PLS1: variants seen among roughly 807,000 people sequenced by gnomAD.
The protein encoded by PLS1 is plastin 1, also known as plastin-1.
Under a neutral mutation model 73.7 loss-of-function variants are expected in PLS1, and 32 were observed. The observed-to-expected ratio is 0.43, with a 90% CI of 0.33 to 0.58. The LOEUF (loss-of-function observed/expected upper bound fraction) is 0.58. PLS1 is among the 20% of genes least tolerant of loss of function. PLS1 has a pLI of 0.04. For missense variants in PLS1, 633 were observed against 740.5 expected (o/e 0.85, Z 1.68); for synonymous variants, 217 against 261.3 (o/e 0.83, Z 1.63).
intron 9 of PLS1, among the ~76,000 whole-genome samples, chr3:142,687,646 G>A (rs543699207): frequency 6.6e-6 from 1 of 152,166 alleles, no homozygotes; most frequent in South Asian, 2.1e-4. Flanking sequence ...TTCAACATCT[G>A]CCAATTCATG....
intron 1 of PLS1, among the ~76,000 whole-genome samples, chr3:142,661,875 G>T (rs1252995356): frequency 6.6e-6 from 1 of 152,148 alleles, no homozygotes; most frequent in Non-Finnish European, 1.5e-5. Flanking sequence ...TGGCTACTCT[G>T]TCTATGGAGT....
chr3:142,649,637 C>CAA (rs60404781), intron 1 of PLS1, among the ~76,000 whole-genome samples: 1 of 119,602 alleles, frequency 8.4e-6, no homozygotes, highest in Admixed American at 8.7e-5. Flanking sequence ...GACTCTGTCT[C>CAA]AAAAAAAAAA....
chr3:142,640,086 A>G (rs1474690731), intron 1 of PLS1, among the ~76,000 whole-genome samples: 1 of 152,228 alleles, frequency 6.6e-6, no homozygotes, highest in Admixed American at 6.5e-5. Context: ...GTGTGATTAC[A>G]TACATGGCAT....
chr3:142,640,418 A>T (rs539087200), intron 1 of PLS1, among the ~76,000 whole-genome samples: 1 of 152,300 alleles, frequency 6.6e-6, no homozygotes, highest in South Asian at 2.1e-4. Context: ...GTAGTCCTTG[A>T]TGAAGGCAGG....
At chr3:142,683,060 T>G (rs1244226544) in intron 6 of PLS1, among the ~76,000 whole-genome samples, 1 of 152,222 alleles carries the variant, frequency 6.6e-6, no homozygotes, top group African/African-American at 2.4e-5. Context: ...TGGAGCTCAA[T>G]AAATCACTTC....
chr3:142,691,138 T>A (rs2038077022), intron 10 of PLS1, among the ~76,000 whole-genome samples: 1 of 152,148 alleles, frequency 6.6e-6, no homozygotes, highest in Admixed American at 6.6e-5. Context: ...AAAGTTCCAG[T>A]GTCCTTGTCA....
chr3:142,690,784 C>G (rs1404576152), intron 10 of PLS1, among the ~76,000 whole-genome samples: 2 of 152,114 alleles, frequency 1.3e-5, no homozygotes. Context: ...TTCTCAATAC[C>G]CAGTTCTTAC....
At chr3:142,676,849 A>T (rs925584869) in intron 5 of PLS1, among the ~76,000 whole-genome samples, 1 of 152,236 alleles carries the variant, frequency 6.6e-6, no homozygotes, top group Non-Finnish European at 1.5e-5. Context: ...TATAAAAAGT[A>T]CAAAAGATTT....
At chr3:142,688,422 T>A (rs1439621143) in intron 9 of PLS1, among the ~76,000 whole-genome samples, 1 of 152,206 alleles carries the variant, frequency 6.6e-6, no homozygotes, top group Non-Finnish European at 1.5e-5. Flanking sequence ...TACCCATTTT[T>A]AAATTTATTT....
intron 1 of PLS1, among the ~76,000 whole-genome samples, chr3:142,633,736 A>T (rs80282952): frequency 6.6e-6 from 1 of 152,188 alleles, no homozygotes; most frequent in Non-Finnish European, 1.5e-5. Context: ...TTACCACAAT[A>T]AAAAAAGTTA....
rs145995826 is a variant in PLS1, at chr3:142,681,249, G to A, written c.580-2757G>A. On this transcript the variant is annotated intron_variant, in intron 6 of 15. Coordinates refer to ENST00000457734, the MANE Select transcript of PLS1 (RefSeq NM_001145319.2). ...AAGCAATAAATGTATACGATAGTAA[G>A]AAATGCTGTATTTCAGATTGAGTGA... Among the ~76,000 whole-genome samples the A allele has an allele frequency of 3.0e-3, 452 of 152,070 alleles. 1 individual carries two copies. Among genetic ancestry groups the A allele is most frequent in the African/African-American group, 0.01 (434 of 41,494 alleles).
At chr3:142,659,059 G>T (rs376470931) in intron 1 of PLS1, among the ~76,000 whole-genome samples, 73 of 152,284 alleles carry the variant, frequency 4.8e-4, no homozygotes, top group African/African-American at 1.6e-3. Flanking sequence ...ACCATCAGTA[G>T]AGCAGATAAA....
intron 1 of PLS1, among the ~76,000 whole-genome samples, chr3:142,652,447 G>A (rs1255130835): frequency 1.3e-5 from 2 of 152,048 alleles, no homozygotes; most frequent in Non-Finnish European, 1.5e-5. Flanking sequence ...TACTAACCTT[G>A]GCTCTACCAA....
At chr3:142,674,933 G>A (rs2037688703) in intron 4 of PLS1, among the ~76,000 whole-genome samples, 1 of 152,112 alleles carries the variant, frequency 6.6e-6, no homozygotes, top group Admixed American at 6.5e-5. Flanking sequence ...GTTTTGCCAT[G>A]TTGGCCAGGC....
intron 1 of PLS1, among the ~76,000 whole-genome samples, chr3:142,645,094 TATTA>T (rs2108622619): frequency 6.6e-6 from 1 of 152,364 alleles, no homozygotes; most frequent in Non-Finnish European, 1.5e-5. Flanking sequence ...AACATAGATT[TATTA>T]ATTAGTTGTA....
In PLS1 at chr3:142,678,114, G is replaced by C. The variant is rs1256161325; in HGVS notation, c.579+1G>C. ...AAAGCTCACGCCATTCACTATTTCT[G>C]TAAGTATTTGCCCTTTGCTTATTAT... On this transcript the variant is annotated splice_donor_variant, in intron 6 of 15. Coordinates refer to ENST00000457734, the MANE Select transcript of PLS1 (RefSeq NM_001145319.2). LOFTEE classifies it high-confidence loss of function. 2 of 1,460,902 alleles carry C rather than the reference G, an allele frequency of 1.4e-6. No homozygotes were observed. Among genetic ancestry groups the C allele is most frequent in the Non-Finnish European group, 1.9e-6 (2 of 1,067,010 alleles). 90.5% of individuals were successfully genotyped at this position (1,460,902 alleles called of 1,614,324 possible). A position where few individuals can be genotyped will look rare whatever the true frequency, so the allele number is the denominator to read the frequency against.
At chr3:142,700,623 TCTTTA>T (rs901935614) in intron 12 of PLS1, among the ~76,000 whole-genome samples, 7 of 152,136 alleles carry the variant, frequency 4.6e-5, no homozygotes, top group Admixed American at 2.6e-4. Flanking sequence ...TGCCCGGCCT[TCTTTA>T]CTTTTAAGTA....
chr3:142,677,057 T>A (rs2037738484), intron 5 of PLS1, among the ~76,000 whole-genome samples: 2 of 152,154 alleles, frequency 1.3e-5, no homozygotes, highest in African/African-American at 4.8e-5. Flanking sequence ...AATTCTTATC[T>A]TTCTTTGACT....
chr3:142,662,206 T>G (rs557671971), intron 1 of PLS1, among the ~76,000 whole-genome samples: 1 of 152,250 alleles, frequency 6.6e-6, no homozygotes, highest in East Asian at 1.9e-4. Flanking sequence ...AAATGTGGCA[T>G]ATATACACCA....
Sources: gnomAD v4.1 joint callset for allele counts (sites outside exome capture counted in the v4.1 genomes callset) on GRCh38, gnomAD v4.1.1 for gene constraint, MANE v1.5 for transcripts, NCBI Gene and HGNC (gene_info 2026-07-23, HGNC 2026-07-21) for gene names.